ZNG1B: variants seen among roughly 807,000 people sequenced by gnomAD.
ZNG1B encodes zinc-regulated GTPase metalloprotein activator 1B.
chr2:113,438,183 C>T, the ZNG1B span, among the ~76,000 whole-genome samples: 1 of 152,142 alleles, frequency 6.6e-6, no homozygotes, highest in African/African-American at 2.4e-5. Context: ...GGTTGCCTCT[C>T]ATCTTGGGAG....
the ZNG1B span, chr2:113,454,650 G>C: frequency 1.2e-5 from 16 of 1,283,650 alleles, no homozygotes; most frequent in Non-Finnish European, 1.8e-5. Context: ...ACTGAAATAG[G>C]TTAGTTTTAA....
the ZNG1B span, chr2:113,454,700 A>T: frequency 2.6e-6 from 4 of 1,562,814 alleles, no homozygotes; most frequent in Non-Finnish European, 2.6e-6. Context: ...ATTAATAAAC[A>T]TTCTTTTTAA....
the ZNG1B span, among the ~76,000 whole-genome samples, chr2:113,486,826 A>G: frequency 1.4e-3 from 214 of 151,488 alleles, no homozygotes; most frequent in Non-Finnish European, 2.2e-3. Context: ...CATTCTCAAT[A>G]TAGTTTTCCA....
At chr2:113,448,346 A>G in the ZNG1B span, among the ~76,000 whole-genome samples, 1 of 152,058 alleles carries the variant, frequency 6.6e-6, no homozygotes, top group Non-Finnish European at 1.5e-5. Flanking sequence ...AAAATAAACC[A>G]TGCTGTAAAC....
At chr2:113,460,681 A>G in the ZNG1B span, 1 of 1,594,868 alleles carries the variant, frequency 6.3e-7, no homozygotes, top group South Asian at 1.1e-5. Context: ...AGCATTTAGC[A>G]GAAGAGAAAC....
the ZNG1B span, among the ~76,000 whole-genome samples, chr2:113,488,745 T>C: frequency 1.3e-5 from 2 of 151,706 alleles, no homozygotes; most frequent in Non-Finnish European, 2.9e-5. Context: ...AGCAATAGAA[T>C]TGAACAAGTA....
chr2:113,476,590 G>A, the ZNG1B span, among the ~76,000 whole-genome samples: 9 of 149,018 alleles, frequency 6.0e-5, no homozygotes, highest in South Asian at 1.3e-3. Flanking sequence ...GAGGAGAGGC[G>A]CTCTGCTTTT....
At chr2:113,489,444 AAAC>A in the ZNG1B span, among the ~76,000 whole-genome samples, 121 of 152,266 alleles carry the variant, frequency 7.9e-4, 3 homozygotes, top group East Asian at 0.018. Flanking sequence ...ACAATTAGAA[AAAC>A]AACAAAAACC....
chr2:113,481,469 A>AC, the ZNG1B span: 1 of 152,352 alleles, frequency 6.6e-6, no homozygotes, highest in South Asian at 2.1e-4. Context: ...TTACTAATTT[A>AC]CCCCTCACTC....
chr2:113,493,037 T>TA, the ZNG1B span, among the ~76,000 whole-genome samples: 1 of 123,652 alleles, frequency 8.1e-6, no homozygotes, highest in African/African-American at 3.0e-5. Context: ...TTCTTTAGGG[T>TA]AGACAGTGAG....
the ZNG1B span, chr2:113,453,173 A>G: frequency 1.9e-6 from 3 of 1,594,224 alleles, no homozygotes; most frequent in Non-Finnish European, 2.6e-6. Context: ...TTGATGCTGA[A>G]TTAGGGAGTG....
the ZNG1B span, among the ~76,000 whole-genome samples, chr2:113,478,910 G>A: frequency 6.6e-6 from 1 of 150,892 alleles, no homozygotes; most frequent in Non-Finnish European, 1.5e-5. Flanking sequence ...AGCTCAGAGA[G>A]TAAACTTGTC....
At chr2:113,441,497 G>T in the ZNG1B span, 8 of 1,610,062 alleles carry the variant, frequency 5.0e-6, no homozygotes, top group Admixed American at 1.3e-4. Context: ...TATTCCTCTG[G>T]TGAATTGCTA....
At chr2:113,439,906 A>C in the ZNG1B span, among the ~76,000 whole-genome samples, 1 of 68,560 alleles carries the variant, frequency 1.5e-5, no homozygotes, top group Non-Finnish European at 2.8e-5. Flanking sequence ...TTTTTTTGAG[A>C]CGGAGTCTCG....
At chr2:113,454,477 ATT>A in the ZNG1B span, among the ~76,000 whole-genome samples, 2 of 150,490 alleles carry the variant, frequency 1.3e-5, no homozygotes, top group Non-Finnish European at 3.0e-5. Flanking sequence ...TTATTTTCTT[ATT>A]TATTTAATTT....
the ZNG1B span, chr2:113,460,627 T>C: frequency 1.3e-6 from 2 of 1,557,894 alleles, no homozygotes; most frequent in Non-Finnish European, 1.7e-6. Context: ...GACATTAGAT[T>C]TTTTATTGTA....
chr2:113,462,511 G>C, the ZNG1B span: 1 of 1,588,566 alleles, frequency 6.3e-7, no homozygotes, highest in Non-Finnish European at 8.5e-7. Flanking sequence ...AATGATAAGT[G>C]TGTTAAGTGC....
At chr2:113,474,760 C>T in the ZNG1B span, among the ~76,000 whole-genome samples, 1 of 152,128 alleles carries the variant, frequency 6.6e-6, no homozygotes. Context: ...AGTAGTCATT[C>T]AGGAGCAGGT....
chr2:113,470,749 G>C, the ZNG1B span: 1 of 447,080 alleles, frequency 2.2e-6, no homozygotes, highest in Non-Finnish European at 4.0e-6. Context: ...GCTTGGAAAA[G>C]TTTCTGTTCT....
Sources: gnomAD v4.1 joint callset for allele counts (sites outside exome capture counted in the v4.1 genomes callset) on GRCh38, gnomAD v4.1.1 for gene constraint, MANE v1.5 for transcripts, NCBI Gene and HGNC (gene_info 2026-07-23, HGNC 2026-07-21) for gene names.